Variants in SRGAP3 observed in about 807,000 individuals in gnomAD.
The protein encoded by SRGAP3 is SLIT-ROBO Rho GTPase-activating protein 3.
In SRGAP3, 39 loss-of-function variants were observed where a neutral mutation model predicts 121.1. The observed-to-expected ratio is 0.32, with a 90% CI of 0.25 to 0.42. The LOEUF (loss-of-function observed/expected upper bound fraction) is 0.42. Ranked by LOEUF, SRGAP3 falls within the 10% of genes least tolerant of loss-of-function variation. The pLI, the probability that SRGAP3 is intolerant of heterozygous loss-of-function variation, is 1.00. For synonymous variants in SRGAP3, 601 were observed against 570.0 expected, an observed-to-expected ratio of 1.05 and a Z score of -0.77; for missense variants, 1,213 against 1,470.6, an observed-to-expected ratio of 0.82 and a Z score of 2.86.
chr3:9,313,033 T>C (rs546549688), intron 3 of SRGAP3, among the ~76,000 whole-genome samples: 53 of 151,944 alleles, frequency 3.5e-4, no homozygotes, highest in African/African-American at 1.2e-3. Context: ...GTCATCTTCC[T>C]CCTCTCCTGA....
intron 1 of SRGAP3, among the ~76,000 whole-genome samples, chr3:9,351,447 A>G (rs962415866): frequency 6.6e-6 from 1 of 152,174 alleles, no homozygotes; most frequent in African/African-American, 2.4e-5. Context: ...TAATCGCGTT[A>G]GAGTTCCAAT....
At chr3:9,047,369 G>C in intron 10 of SRGAP3, 22 bp downstream of exon 10, 3 of 1,613,288 alleles carry the variant, frequency 1.9e-6, no homozygotes, top group African/African-American at 1.3e-5. Flanking sequence ...ACCTCCCAGA[G>C]GGCCTCCACC....
rs750500979 is a variant in SRGAP3 at position 9,058,451 on chromosome 3, C to T, written c.823G>A (p.Ala275Thr). 4 of 1,613,950 alleles carry T rather than the reference C, an allele frequency of 2.5e-6. No homozygotes were observed. The highest frequency in any genetic ancestry group is 2.2e-5 in the South Asian group (2 of 91,066). Residue 275 changes from alanine (A) to threonine (T), a missense_variant, in exon 7 of 22, where the codon GCC (alanine) becomes ACC (threonine). Around this residue, in one of 2 missense-constraint regions of SRGAP3, gnomAD observed 793 missense variants for 1,032.9 expected, o/e 0.77. Coordinates refer to ENST00000383836, the MANE Select transcript of SRGAP3 (RefSeq NM_014850.4). ...GTCCGGAAGGTGCGGGCCAGGCTGG[C>T]ATGGAAGCCCAAATCACAGCACTTG... Reference protein sequence around the residue: ...LIDCCDLGFHASLARTFRTYL... With the variant: ...LIDCCDLGFHTSLARTFRTYL...
chr3:9,246,886 T>C (rs1034086528), intron 1 of SRGAP3, among the ~76,000 whole-genome samples: 1 of 152,164 alleles, frequency 6.6e-6, no homozygotes, highest in African/African-American at 2.4e-5. Flanking sequence ...GATGAATGCC[T>C]GGTAATTGGT....
chr3:9,209,816 T>C (rs1404115850), intron 1 of SRGAP3, among the ~76,000 whole-genome samples: 1 of 152,210 alleles, frequency 6.6e-6, no homozygotes, highest in Non-Finnish European at 1.5e-5. Context: ...GAATGAAGCC[T>C]ATGTACACAT....
intron 19 of SRGAP3, 73 bp from the exon 20 acceptor site, chr3:8,993,128 T>C (rs920517331): frequency 4.3e-5 from 69 of 1,603,742 alleles, no homozygotes; most frequent in African/African-American, 1.1e-4. Context: ...CTCCCTGATA[T>C]GTGTCTGAGG....
chr3:9,097,005 A>C (rs1364968433), intron 3 of SRGAP3, among the ~76,000 whole-genome samples: 1 of 139,468 alleles, frequency 7.2e-6, no homozygotes, highest in Non-Finnish European at 1.5e-5. Flanking sequence ...ATATATATAT[A>C]TTAGAGACAG....
In SRGAP3 at chr3:9,124,923, G is replaced by A; in HGVS notation, c.68-6C>T. ...CACCAGCTGCGTGCGGATCTCTGCGGGCACACAAGGGTAGGAGCATGAGAC... is the reference window on the plus strand; with the variant it reads ...CACCAGCTGCGTGCGGATCTCTGCGAGCACACAAGGGTAGGAGCATGAGAC... On this transcript the variant is annotated splice_polypyrimidine_tract_variant and splice_region_variant and intron_variant, in intron 1 of 21. Coordinates refer to ENST00000383836, the MANE Select transcript of SRGAP3 (RefSeq NM_014850.4). The A allele has an allele frequency of 1.2e-6, 2 of 1,613,956 alleles. No homozygotes were observed. The highest frequency in any genetic ancestry group is 1.7e-6 in the Non-Finnish European group (2 of 1,180,032).
intron 3 of SRGAP3, among the ~76,000 whole-genome samples, chr3:9,289,100 C>T (rs1954830901): frequency 6.6e-6 from 1 of 151,346 alleles, no homozygotes; most frequent in African/African-American, 2.4e-5. Context: ...GGTTTTACCA[C>T]GTTGATCATG....
At chr3:9,059,911 C>T in intron 6 of SRGAP3, 1 of 395,962 alleles carries the variant, frequency 2.5e-6, no homozygotes. Flanking sequence ...GTATGGTTCC[C>T]CCCTGAACCC....
At chr3:9,044,361 T>C (rs756642901) in intron 10 of SRGAP3, among the ~76,000 whole-genome samples, 1 of 152,198 alleles carries the variant, frequency 6.6e-6, no homozygotes, top group Admixed American at 6.5e-5. Context: ...GCGGGTACCA[T>C]ATCCAGAGTG....
chr3:9,199,062 C>G (rs943005886), intron 1 of SRGAP3, among the ~76,000 whole-genome samples: 1 of 150,286 alleles, frequency 6.7e-6, no homozygotes, highest in Non-Finnish European at 1.5e-5. Context: ...CAATATCTGC[C>G]CCCCCTTCCC....
At chr3:8,990,071 A>C (rs1941946772) in intron 21 of SRGAP3, among the ~76,000 whole-genome samples, 1 of 152,214 alleles carries the variant, frequency 6.6e-6, no homozygotes, top group Non-Finnish European at 1.5e-5. Context: ...GCCTGAGTCC[A>C]TTTTAGATCT....
At chr3:9,034,116 T>C (rs913301713) in intron 11 of SRGAP3, 1 of 152,214 alleles carries the variant, frequency 6.6e-6, no homozygotes, top group South Asian at 2.1e-4. Flanking sequence ...GTTTCCAGAA[T>C]TGCTCACCAT....
At chr3:9,000,507 C>T (rs1942690953) in intron 18 of SRGAP3, among the ~76,000 whole-genome samples, 1 of 152,212 alleles carries the variant, frequency 6.6e-6, no homozygotes, top group South Asian at 2.1e-4. Context: ...AGATCCTAAT[C>T]TTATCCCAAA....
intron 12 of SRGAP3, among the ~76,000 whole-genome samples, chr3:9,029,596 T>C (rs139866545): frequency 2.6e-5 from 4 of 152,352 alleles, no homozygotes; most frequent in African/African-American, 9.6e-5. Flanking sequence ...AGGTGTGGTT[T>C]TTCAAAGCTG....
intron 4 of SRGAP3, among the ~76,000 whole-genome samples, chr3:9,075,390 T>TGCGC (rs767835263): frequency 3.3e-4 from 49 of 148,614 alleles, no homozygotes; most frequent in African/African-American, 1.2e-3. Context: ...TGTGTGTGTG[T>TGCGC]GCGCGCGCAC....
At chr3:9,362,777 C>T (rs759761331) in intron 1 of SRGAP3, 1 of 152,184 alleles carries the variant, frequency 6.6e-6, no homozygotes, top group Non-Finnish European at 1.5e-5. Context: ...GTCTCTGCCA[C>T]TTCATAGGTG....
intron 3 of SRGAP3, among the ~76,000 whole-genome samples, chr3:9,318,241 C>A (rs1304407847): frequency 6.7e-6 from 1 of 149,534 alleles, no homozygotes; most frequent in Non-Finnish European, 1.5e-5. Flanking sequence ...AGTCCTCACT[C>A]ATCACCACCG....
Sources: gnomAD v4.1 joint callset for allele counts (sites outside exome capture counted in the v4.1 genomes callset) on GRCh38, gnomAD v4.1.1 for gene constraint, gnomAD v4.1.1 regional missense constraint, MANE v1.5 for transcripts, NCBI Gene and HGNC (gene_info 2026-07-23, HGNC 2026-07-21) for gene names.